Variants in SH3RF3 observed in about 807,000 individuals in gnomAD.
SH3RF3 encodes the protein E3 ubiquitin-protein ligase SH3RF3.
SH3RF3 carries 29 observed loss-of-function variants against 66.3 expected under a neutral mutation model. That is an observed-to-expected ratio of 0.44 (90% CI 0.33 to 0.60). The LOEUF (loss-of-function observed/expected upper bound fraction) is 0.60. Among genes scored for constraint, SH3RF3 ranks in the 20% least tolerant of loss-of-function variants. The pLI is 0.04. For synonymous variants in SH3RF3, 583 were observed against 532.0 expected (o/e 1.10, Z -1.32); for missense variants, 1,194 against 1,190.9 (o/e 1.00, Z -0.04).
intron 1 of SH3RF3, among the ~76,000 whole-genome samples, chr2:109,266,344 A>G (rs899015680): frequency 1.3e-5 from 2 of 151,362 alleles, no homozygotes; most frequent in Admixed American, 6.6e-5. Flanking sequence ...GTGTGTATGT[A>G]TGTATACACA....
Position 109,166,755 on chromosome 2 carries a change from G to A in SH3RF3, c.573+36642G>A, listed in dbSNP as rs563521899. ...CACATCTTATTGGTGATTGCCATAG[G>A]TTCTGGCATCTAGCTTCAGTTTTCA... is the stretch of plus-strand genomic sequence containing the variant. On this transcript the variant is annotated intron_variant, in intron 1 of 9. Transcript: ENST00000309415. Among the ~76,000 whole-genome samples, 10 of 152,318 alleles carry A rather than the reference G, an allele frequency of 6.6e-5. No individual in the cohort carries two copies. In the East Asian group the frequency reaches 1.7e-3, roughly 26 times the overall value.
chr2:109,432,557 A>G lies in SH3RF3; in HGVS notation c.1460A>G (p.Lys487Arg), dbSNP rs376230967. ...PQKSDELELH[K>R]GEMYRVLEKC... ...AAGAGTGACGAGCTGGAGCTGCACA[A>G]GGGAGAGATGTACCGGGTCCTCGAG... is the stretch of plus-strand genomic sequence containing the variant. The change falls in exon 6 of 10, where the codon AAG becomes AGG. Residue 487 changes from lysine (K) to arginine (R), a missense_variant. Lys to Arg is a conservative substitution (Grantham distance 26, BLOSUM62 2). Transcript: ENST00000309415. 2 of 1,613,722 alleles carry G rather than the reference A, an allele frequency of 1.2e-6. No homozygotes were observed. The highest frequency in any genetic ancestry group is 1.7e-6 in the Non-Finnish European group (2 of 1,179,820).
intron 1 of SH3RF3, among the ~76,000 whole-genome samples, chr2:109,179,234 C>A (rs1038433313): frequency 6.6e-6 from 1 of 152,200 alleles, no homozygotes; most frequent in East Asian, 1.9e-4. Flanking sequence ...CCTGTTCTGA[C>A]ATGTGATCCT....
chr2:109,202,479 C>G (rs535912155), intron 1 of SH3RF3, among the ~76,000 whole-genome samples: 35 of 152,296 alleles, frequency 2.3e-4, no homozygotes, highest in African/African-American at 7.7e-4. Flanking sequence ...CTCTTTGTCC[C>G]TGGGGCGCGT....
At chr2:109,231,127 T>C (rs57493483) in intron 1 of SH3RF3, among the ~76,000 whole-genome samples, 3,107 of 152,338 alleles carry the variant, frequency 0.02, 94 homozygotes, top group African/African-American at 0.072. Flanking sequence ...TTGCCTAGCA[T>C]GGACTTAGTG....
In SH3RF3 at chr2:109,385,919, T is replaced by C. The variant is rs559729858; in HGVS notation, c.946-12671T>C. On this transcript the variant is annotated intron_variant, in intron 3 of 9. Transcript: ENST00000309415. ...ACTCTGCTCTTCTTCATATTTCTTA[T>C]TGGTAAATTTGCAACACAGTGCATC... Among the ~76,000 whole-genome samples the C allele has an allele frequency of 1.9e-3, 286 of 152,324 alleles. 1 individual carries two copies. Among genetic ancestry groups the C allele is most frequent in the Non-Finnish European group, 3.4e-3 (233 of 68,034 alleles).
chr2:109,395,431 C>T (rs948653763), intron 3 of SH3RF3, among the ~76,000 whole-genome samples: 2 of 152,226 alleles, frequency 1.3e-5, no homozygotes, highest in Non-Finnish European at 2.9e-5. Flanking sequence ...AGCGGTTCGC[C>T]TGCCTGGCTG....
intron 1 of SH3RF3, among the ~76,000 whole-genome samples, chr2:109,260,053 T>C (rs1328960969): frequency 6.6e-6 from 1 of 152,192 alleles, no homozygotes; most frequent in Non-Finnish European, 1.5e-5. Context: ...GAGGGTTATT[T>C]GTGATGTTTA....
intron 1 of SH3RF3, among the ~76,000 whole-genome samples, chr2:109,296,772 G>A (rs1053500134): frequency 1.3e-5 from 2 of 152,206 alleles, no homozygotes; most frequent in Admixed American, 6.5e-5. Flanking sequence ...TTGCCATGGC[G>A]TGTGGGAATA....
At chr2:109,314,061 G>A (rs1681805602) in intron 1 of SH3RF3, among the ~76,000 whole-genome samples, 1 of 152,142 alleles carries the variant, frequency 6.6e-6, no homozygotes, top group African/African-American at 2.4e-5. Context: ...TGGGGGAAGA[G>A]AGGGGCCGTG....
chr2:109,311,760 A>C lies in SH3RF3; in HGVS notation c.574-35914A>C, dbSNP rs577696570. On this transcript the variant is annotated intron_variant, in intron 1 of 9. Transcript: ENST00000309415. ...TCACTCTGAAAAGGGCGCTAATTTCAAGCGATGAGCAAGTCATATCAAGGC... is the reference window on the plus strand; with the variant it reads ...TCACTCTGAAAAGGGCGCTAATTTCCAGCGATGAGCAAGTCATATCAAGGC... Among the ~76,000 whole-genome samples the C allele has an allele frequency of 2.0e-5, 3 of 147,328 alleles. No individual in the cohort carries two copies. In the East Asian group the frequency reaches 5.8e-4, roughly 29 times the overall value.
chr2:109,136,852 T>G (rs1239568530), intron 1 of SH3RF3, among the ~76,000 whole-genome samples: 3 of 152,180 alleles, frequency 2.0e-5, no homozygotes, highest in Non-Finnish European at 4.4e-5. Context: ...CCGGGGCACC[T>G]GTAAATGTGC....
chr2:109,262,853 G>A (rs1270253279), intron 1 of SH3RF3, among the ~76,000 whole-genome samples: 1 of 151,366 alleles, frequency 6.6e-6, no homozygotes, highest in East Asian at 1.9e-4. Flanking sequence ...ATTTTTTTGA[G>A]ACAGAGTCTT....
At chr2:109,496,772 C>T (rs1220493088) in intron 9 of SH3RF3, among the ~76,000 whole-genome samples, 1 of 114,314 alleles carries the variant, frequency 8.7e-6, no homozygotes, top group Non-Finnish European at 1.8e-5. Context: ...TGTTACCATA[C>T]ATGGCAAAGA....
At chr2:109,334,796 C>T (rs955115580) in intron 1 of SH3RF3, among the ~76,000 whole-genome samples, 2 of 152,018 alleles carry the variant, frequency 1.3e-5, no homozygotes, top group African/African-American at 4.8e-5. Context: ...TTTTCTCTCT[C>T]CTTCTCCAAC....
intron 3 of SH3RF3, among the ~76,000 whole-genome samples, chr2:109,391,974 C>T (rs1210775676): frequency 2.6e-5 from 4 of 152,116 alleles, no homozygotes; most frequent in Non-Finnish European, 4.4e-5. Flanking sequence ...CATGCCACCA[C>T]GCCCAGCTAA....
Position 109,216,539 on chromosome 2 carries a change from C to T in SH3RF3, c.573+86426C>T, listed in dbSNP as rs566162636. On this transcript the variant is annotated intron_variant, in intron 1 of 9. Coordinates refer to ENST00000309415, the MANE Select transcript of SH3RF3 (RefSeq NM_001099289.3). ...GCTTAAGTGCCTTGCTTCTGTGATA[C>T]AGAAAGTCAGCAGAGAACACACAGC... Among the ~76,000 whole-genome samples the T allele has an allele frequency of 1.2e-4, 19 of 152,328 alleles. No individual in the cohort carries two copies. The South Asian group carries it at 3.9e-3, about 32-fold the overall frequency.
At chr2:109,224,273 A>G (rs1230937795) in intron 1 of SH3RF3, among the ~76,000 whole-genome samples, 2 of 152,250 alleles carry the variant, frequency 1.3e-5, no homozygotes, top group Non-Finnish European at 2.9e-5. Context: ...GCATAGTAAA[A>G]TAAGACTTGT....
chr2:109,187,753 CTGTA>C (rs970378619), intron 1 of SH3RF3, among the ~76,000 whole-genome samples: 32 of 152,194 alleles, frequency 2.1e-4, no homozygotes, highest in African/African-American at 7.7e-4. Context: ...GTATATATGT[CTGTA>C]TGTCCACACA....
Sources: allele counts gnomAD v4.1 joint callset (sites outside exome capture counted in the v4.1 genomes callset), GRCh38; gene constraint gnomAD v4.1.1; transcripts MANE v1.5; gene names NCBI Gene and HGNC (gene_info 2026-07-23, HGNC 2026-07-21).